Variants in ZFYVE16 observed in about 807,000 individuals in gnomAD.
ZFYVE16 encodes the protein zinc finger FYVE domain-containing protein 16.
ZFYVE16 carries 89 observed loss-of-function variants against 138.1 expected under a neutral mutation model. That is an observed-to-expected ratio of 0.64 (90% CI 0.54 to 0.77). The LOEUF (loss-of-function observed/expected upper bound fraction) is 0.77, where lower values mean the gene tolerates loss of function less well. ZFYVE16 is among the 30% of genes least tolerant of loss of function. The probability of loss-of-function intolerance (pLI) is 0.00; values close to 1 mark genes in which losing one functional copy is unlikely to be tolerated. For synonymous variants in ZFYVE16, 596 were observed against 618.3 expected (o/e 0.96, Z 0.53); for missense variants, 1,793 against 1,786.7 (o/e 1.00, Z -0.06).
chr5:80,455,531 C>T (rs1256204778), intron 11 of ZFYVE16, 161 bp from the exon 12 acceptor site: 8 of 617,828 alleles, frequency 1.3e-5, no homozygotes, highest in Non-Finnish European at 2.2e-5. Flanking sequence ...GAGACCTTGT[C>T]TCAAAAACAA....
In ZFYVE16 at chr5:80,477,313, C is replaced by A. The variant is rs16877836; in HGVS notation, c.4556C>A (p.Thr1519Asn). ...CTGATACCTGTGATCCATGGTGGGA[C>A]CTCCAACTCTAGTTTACCATTAGAA... ...SALIPVIHGG[T>N]SNSSLPLEIE... Residue 1519 changes from threonine (T) to asparagine (N), a missense_variant, in exon 19 of 19, where the codon ACC (threonine) becomes AAC (asparagine). Transcript: ENST00000505560. The A allele has an allele frequency of 9.8e-4, 1,579 of 1,609,346 alleles. 12 individuals are homozygous for A. The African/African-American group carries it at 0.017, about 18-fold the overall frequency.
rs1170571693 is a variant in ZFYVE16, at chr5:80,478,966, GT to G, written c.*1593del. 1 of 152,114 alleles carries G rather than the reference GT, an allele frequency of 6.6e-6. No homozygotes were observed. The highest frequency in any genetic ancestry group is 1.5e-5 in the Non-Finnish European group (1 of 68,000). The allele number at this position is 152,114 out of a possible 1,614,324, so 9.4% of individuals were successfully genotyped here. A position where few individuals can be genotyped will look rare whatever the true frequency, so the allele number is the denominator to read the frequency against. On this transcript the variant is annotated 3_prime_UTR_variant, in exon 19 of 19. Coordinates refer to ENST00000505560, the MANE Select transcript of ZFYVE16 (RefSeq NM_001284236.3). ...CAATTGCATATCAAACCCAATTTATGTTTTCTAAATATAGTGTATGTATTCT... is the reference window on the plus strand; with the variant it reads ...CAATTGCATATCAAACCCAATTTATGTTTCTAAATATAGTGTATGTATTCT...
intron 6 of ZFYVE16, chr5:80,443,657 C>T: frequency 2.2e-6 from 1 of 450,674 alleles, no homozygotes; most frequent in East Asian, 6.9e-5. Flanking sequence ...AGTAGACCTC[C>T]AGATTTGATG....
chr5:80,424,560 C>A (rs1246555284), intron 1 of ZFYVE16, among the ~76,000 whole-genome samples: 1 of 151,364 alleles, frequency 6.6e-6, no homozygotes, highest in African/African-American at 2.4e-5. Context: ...CTCCTGGGAT[C>A]AAGTGATTCT....
At chr5:80,422,716 G>A (rs1043521108) in intron 1 of ZFYVE16, among the ~76,000 whole-genome samples, 2 of 152,110 alleles carry the variant, frequency 1.3e-5, no homozygotes, top group African/African-American at 2.4e-5. Flanking sequence ...GCCTCGCAAA[G>A]TACTGGGATT....
At position 80,437,407 on chromosome 5, in the gene ZFYVE16, A is replaced by AT; in HGVS notation, c.726dup (p.Asn243Ter). 1 of 1,605,338 alleles carries AT rather than the reference A, an allele frequency of 6.2e-7. No homozygotes were observed. The highest frequency in any genetic ancestry group is 2.2e-5 in the East Asian group (1 of 44,836). ...TTTAATCAGTTAGAATCAATTGTTG[A>AT]TTTTAACATGTCATCTGCTTTGACT... On this transcript the variant is annotated frameshift_variant, in exon 4 of 19. Coordinates refer to ENST00000505560, the MANE Select transcript of ZFYVE16 (RefSeq NM_001284236.3). LOFTEE classifies it high-confidence loss of function.
In ZFYVE16 at chr5:80,437,038, A is replaced by T; in HGVS notation, c.353A>T (p.Tyr118Phe). Residue 118 changes from tyrosine (Y) to phenylalanine (F), a missense_variant, in exon 4 of 19, where the codon TAT becomes TTT. This residue lies in a region of ZFYVE16 where 1,295 missense variants were observed against 1,204.3 expected (regional missense o/e 1.08). Transcript: ENST00000505560. ...GGTSDEIQPL[Y>F]MGRCSKPICD... Reference sequence around the variant, plus strand: ...ACTTCAGATGAAATCCAGCCGTTATATATGGGACGATGTAGTAAACCTATC... The same window carrying T: ...ACTTCAGATGAAATCCAGCCGTTATTTATGGGACGATGTAGTAAACCTATC... 6.2e-7 allele frequency: 1 copy of T among 1,614,206 alleles called. No individual in the cohort carries two copies. The highest frequency in any genetic ancestry group is 1.1e-5 in the South Asian group (1 of 91,088).
At position 80,434,250 on chromosome 5, in the gene ZFYVE16, G is replaced by A. The variant is rs1345720375; in HGVS notation, c.70+33G>A. The A allele has an allele frequency of 1.9e-6, 3 of 1,604,940 alleles. No individual in the cohort carries two copies. In the African/African-American group the frequency reaches 4.0e-5, roughly 21 times the overall value. On this transcript the variant is annotated intron_variant, in intron 3 of 18. Transcript: ENST00000505560. ...GATTTTCCATTTTTGCCGCTAATGG[G>A]ATTTAAAAATATCTGTAATTAAGTT... is the stretch of plus-strand genomic sequence containing the variant.
intron 15 of ZFYVE16, 88 bp downstream of exon 15, chr5:80,459,582 A>G: frequency 2.6e-6 from 3 of 1,173,054 alleles, no homozygotes; most frequent in Non-Finnish European, 2.4e-6. Flanking sequence ...ACAAGAACAT[A>G]TGTAAGTTAT....
intron 11 of ZFYVE16, among the ~76,000 whole-genome samples, chr5:80,453,414 A>G (rs1280798287): frequency 6.6e-6 from 1 of 152,222 alleles, no homozygotes; most frequent in Non-Finnish European, 1.5e-5. Context: ...TCAAATTATT[A>G]TGGAACATGT....
intron 7 of ZFYVE16, among the ~76,000 whole-genome samples, chr5:80,447,501 T>G (rs1200802371): frequency 6.6e-6 from 1 of 152,202 alleles, no homozygotes; most frequent in Non-Finnish European, 1.5e-5. Flanking sequence ...TATTTAATAC[T>G]GACTTTGTAC....
chr5:80,461,866 G>T (rs1753157380), intron 15 of ZFYVE16, among the ~76,000 whole-genome samples: 2 of 152,222 alleles, frequency 1.3e-5, no homozygotes, highest in African/African-American at 4.8e-5. Context: ...CAGCTACTCG[G>T]GAGGCTGAGT....
chr5:80,462,795 C>T (rs984118175), intron 15 of ZFYVE16, among the ~76,000 whole-genome samples: 8 of 152,150 alleles, frequency 5.3e-5, no homozygotes, highest in Non-Finnish European at 7.3e-5. Context: ...GGGGTACAGG[C>T]GTTGGGTAAA....
At position 80,478,326 on chromosome 5, in the gene ZFYVE16, C is replaced by T. The variant is rs190222346; in HGVS notation, c.*949C>T. On this transcript the variant is annotated 3_prime_UTR_variant, in exon 19 of 19. Transcript: ENST00000505560. ...ACTTTAATCCTTAGAAATTTCTTGG[C>T]AACTTCGCATATTTTCATTGACACC... 2 of 152,104 alleles carry T rather than the reference C, an allele frequency of 1.3e-5. No homozygotes were observed. Among genetic ancestry groups the T allele is most frequent in the East Asian group, 1.9e-4 (1 of 5,186 alleles). 9.4% of individuals were successfully genotyped at this position (152,104 alleles called of 1,614,324 possible). A position where few individuals can be genotyped will look rare whatever the true frequency, so the allele number is the denominator to read the frequency against.
chr5:80,442,814 A>G (rs1207675557), intron 5 of ZFYVE16, among the ~76,000 whole-genome samples: 1 of 152,222 alleles, frequency 6.6e-6, no homozygotes, highest in Non-Finnish European at 1.5e-5. Flanking sequence ...TTGGAAATAG[A>G]CTCTAGGGGT....
At chr5:80,449,854 A>G (rs1751796350) in intron 9 of ZFYVE16, 141 bp downstream of exon 9, 2 of 957,602 alleles carry the variant, frequency 2.1e-6, no homozygotes, top group South Asian at 3.7e-5. Context: ...ATGACTGTAA[A>G]TAAATTTTGC....
At chr5:80,407,834 G>C (rs567798354), upstream of ZFYVE16, among the ~76,000 whole-genome samples, 1 of 152,346 alleles carries the variant, frequency 6.6e-6, no homozygotes, top group South Asian at 2.1e-4. Context: ...ACCTAAGGTC[G>C]AATCATCAGG....
At chr5:80,425,887 C>G (rs953539176) in intron 1 of ZFYVE16, among the ~76,000 whole-genome samples, 5 of 152,148 alleles carry the variant, frequency 3.3e-5, no homozygotes, top group Admixed American at 1.3e-4. Flanking sequence ...TTGTAAACAT[C>G]CATTTATAGC....
intron 9 of ZFYVE16, among the ~76,000 whole-genome samples, chr5:80,450,106 A>T (rs1056994687): frequency 6.6e-6 from 1 of 152,224 alleles, no homozygotes; most frequent in Non-Finnish European, 1.5e-5. Flanking sequence ...CTAATTAAAA[A>T]GGAAGTAATC....
Sources: allele counts gnomAD v4.1 joint callset (sites outside exome capture counted in the v4.1 genomes callset), GRCh38; gene constraint gnomAD v4.1.1; regional missense constraint gnomAD v4.1.1; transcripts MANE v1.5; gene names NCBI Gene and HGNC (gene_info 2026-07-23, HGNC 2026-07-21).